Variants in RET observed in about 807,000 individuals in gnomAD.
RET encodes the protein ret proto-oncogene.
Under a neutral mutation model 118.3 loss-of-function variants are expected in RET, and 19 were observed. The observed-to-expected ratio is 0.16, with a 90% CI of 0.11 to 0.24. The LOEUF (loss-of-function observed/expected upper bound fraction) is 0.24. Ranked by LOEUF, RET falls within the 10% of genes least tolerant of loss-of-function variation. RET has a pLI of 1.00. For synonymous variants in RET, 597 were observed against 644.1 expected (o/e 0.93, Z 1.11); for missense variants, 1,219 against 1,502.1 (o/e 0.81, Z 3.12).
chr10:43,103,843 C>T (rs989188444), intron 3 of RET, among the ~76,000 whole-genome samples: 6 of 152,356 alleles, frequency 3.9e-5, no homozygotes, highest in Non-Finnish European at 8.8e-5. Context: ...GTAATTCATG[C>T]GCAAGGCATG....
chr10:43,114,065 C>T lies in RET; in HGVS notation c.1879+390C>T, dbSNP rs1021338343. ...TCTGCCTGAGCATAGGGACACGTTT[C>T]TGTCATTGAGTTTTCTGGTATTATA... is the stretch of plus-strand genomic sequence containing the variant. On this transcript the variant is annotated intron_variant, in intron 10 of 19. Coordinates refer to ENST00000355710, the MANE Select transcript of RET (RefSeq NM_020975.6). This position sits in a 1 kb window ranked among gnomAD's most constrained non-coding sequence, Gnocchi z 4.6. 7.9e-5 allele frequency among the ~76,000 whole-genome samples: 12 copies of T among 152,232 alleles called. No homozygotes were observed. Among genetic ancestry groups the T allele is most frequent in the Admixed American group, 2.0e-4 (3 of 15,292 alleles).
At chr10:43,099,513 A>AAAATAAAT (rs751291577) in intron 1 of RET, among the ~76,000 whole-genome samples, 3,495 of 146,314 alleles carry the variant, frequency 0.024, 50 homozygotes, top group Non-Finnish European at 0.025. Flanking sequence ...CTCCATCTCA[A>AAAATAAAT]AAATAAATAA....
chr10:43,081,011 T>G (rs3026728), intron 1 of RET, among the ~76,000 whole-genome samples: 36,365 of 152,138 alleles, frequency 0.24, 4,445 homozygotes, highest in Non-Finnish European at 0.27. Flanking sequence ...TGTTTCCTCA[T>G]GCAGGACAGG....
At position 43,119,517 on chromosome 10, in the gene RET, C is replaced by T. The variant is rs144269978; in HGVS notation, c.2393-14C>T. 42 of 1,585,968 alleles carry T rather than the reference C, an allele frequency of 2.6e-5. No individual in the cohort carries two copies. In the African/African-American group the frequency reaches 4.4e-4, roughly 17 times the overall value. On this transcript the variant is annotated splice_polypyrimidine_tract_variant and intron_variant, in intron 13 of 19. Transcript: ENST00000355710. ...CTGACCCGCACGCCCAGGGCCCCCTCTCTCCGCCCCCAGGCCCGCTCCTCC... is the reference window on the plus strand; with the variant it reads ...CTGACCCGCACGCCCAGGGCCCCCTTTCTCCGCCCCCAGGCCCGCTCCTCC...
chr10:43,124,212 A>G (rs1452911744), intron 17 of RET, among the ~76,000 whole-genome samples: 3 of 152,026 alleles, frequency 2.0e-5, no homozygotes, highest in South Asian at 2.1e-4. Flanking sequence ...AAACCTTTAC[A>G]CTCTCAGGGG....
At chr10:43,117,956 T>C (rs1838110913) in intron 12 of RET, among the ~76,000 whole-genome samples, 1 of 152,162 alleles carries the variant, frequency 6.6e-6, no homozygotes, top group Non-Finnish European at 1.5e-5. Flanking sequence ...GGTCGCGGTG[T>C]GTGGACCTCC....
chr10:43,094,634 A>G (rs1245933066), intron 1 of RET, among the ~76,000 whole-genome samples: 1 of 152,128 alleles, frequency 6.6e-6, no homozygotes, highest in Non-Finnish European at 1.5e-5. Flanking sequence ...GTGAGAGACC[A>G]AGGGCCACAG....
Position 43,126,562 on chromosome 10 carries a change from C to T in RET, c.3040-13C>T, listed in dbSNP as rs1838332583. ...CACATGGCTTGGAGTGACCGGCCAT[C>T]TCTGTCTTCCAGGACTACTTGGACC... On this transcript the variant is annotated splice_polypyrimidine_tract_variant and intron_variant, in intron 18 of 19. Transcript: ENST00000355710. 1 of 1,612,568 alleles carries T rather than the reference C, an allele frequency of 6.2e-7. No individual in the cohort carries two copies. Among genetic ancestry groups the T allele is most frequent in the Non-Finnish European group, 8.5e-7 (1 of 1,179,106 alleles).
chr10:43,114,405 C>CTGG lies in RET; in HGVS notation c.1880-75_1880-74insTGG. 1.3e-6 allele frequency: 2 copies of CTGG among 1,585,772 alleles called. No individual in the cohort carries two copies. The highest frequency in any genetic ancestry group is 2.2e-5 in the South Asian group (2 of 89,768). On this transcript the variant is annotated intron_variant, in intron 10 of 19. Transcript: ENST00000355710. The surrounding 1 kb of genome is among the most constrained non-coding windows in gnomAD (Gnocchi z 4.6). ...CACGGCAGGCTGGAGAGCCATGAGG[C>CTGG]AGAGCATACGCAGCCTGTACCCAGT...
intron 1 of RET, among the ~76,000 whole-genome samples, chr10:43,079,354 T>C (rs1440849653): frequency 6.6e-6 from 1 of 152,160 alleles, no homozygotes; most frequent in Admixed American, 6.5e-5. Context: ...CACGTGTGTA[T>C]ATAGGGACAC....
chr10:43,109,196 T>A lies in RET; in HGVS notation c.1229T>A (p.Leu410His). 6.2e-7 allele frequency: 1 copy of A among 1,613,660 alleles called. No homozygotes were observed. The highest frequency in any genetic ancestry group is 1.7e-5 in the Admixed American group (1 of 60,010). ...VSLHLPSTYS[L>H]SVSRRARRFA... ...CTGCACCTGCCCAGTACCTACTCCC[T>A]CTCCGTGAGCAGGAGGGCTCGCCGA... is the stretch of plus-strand genomic sequence containing the variant. The change falls in exon 6 of 20, where the codon CTC (leucine) becomes CAC (histidine). Residue 410 changes from leucine (L) to histidine (H), a missense_variant. Physicochemically the swap from Leu to His is moderately conservative, Grantham distance 99. This residue lies in a region of RET where 850 missense variants were observed against 969.6 expected (regional missense o/e 0.88). Transcript: ENST00000355710.
In RET at chr10:43,102,565, G is replaced by A. The variant is rs764162555; in HGVS notation, c.561G>A (p.Gln187=). The change falls in exon 3 of 20, where the codon CAG becomes CAA. Residue 187 remains glutamine, a synonymous_variant. Transcript: ENST00000355710. ...ACCGACCCCCAGGCACCTTCCACCA[G>A]TTCCGCCTGCTGCCTGTGCAGTTCT... The part of the protein sequence containing the change: ...RENRPPGTFH[Q]FRLLPVQFLC... 1 of 1,614,174 alleles carries A rather than the reference G, an allele frequency of 6.2e-7. No individual in the cohort carries two copies. Among genetic ancestry groups the A allele is most frequent in the African/African-American group, 1.3e-5 (1 of 75,046 alleles).
intron 12 of RET, among the ~76,000 whole-genome samples, chr10:43,117,936 T>G (rs1391924231): frequency 1.3e-5 from 2 of 152,126 alleles, no homozygotes; most frequent in African/African-American, 4.8e-5. Flanking sequence ...GAGCGGGAAA[T>G]GGGGAGCCTG....
chr10:43,081,578 G>C (rs2506015), intron 1 of RET, among the ~76,000 whole-genome samples: 57,398 of 152,102 alleles, frequency 0.38, 10,983 homozygotes, highest in Middle Eastern at 0.43. Flanking sequence ...CTGTCTCTCC[G>C]TGCCCGTCTG....
In RET at chr10:43,116,458, G is replaced by A. The variant is rs1838072046; in HGVS notation, c.2137-126G>A. The A allele has an allele frequency of 1.3e-5, 16 of 1,231,286 alleles. No individual in the cohort carries two copies. The South Asian group carries it at 2.0e-4, about 15-fold the overall frequency. 76.3% of individuals were successfully genotyped at this position (1,231,286 alleles called of 1,614,324 possible). A position where few individuals can be genotyped will look rare whatever the true frequency, so the allele number is the denominator to read the frequency against. On this transcript the variant is annotated intron_variant, in intron 11 of 19. Coordinates refer to ENST00000355710, the MANE Select transcript of RET (RefSeq NM_020975.6). Reference sequence around the variant, plus strand: ...AGGCAGCGTTGCCGCTGGCTCAGATGACAGCCGGTTCTCTGCACATTGGAA... The same window carrying A: ...AGGCAGCGTTGCCGCTGGCTCAGATAACAGCCGGTTCTCTGCACATTGGAA...
Position 43,095,243 on chromosome 10 carries a change from G to T in RET, c.74-5216G>T, listed in dbSNP as rs549403250. ...CTAGGCTCAGGTATGGGCTGCATCAGTGCCGAGGGATTGCATGCTTTGGGT... is the reference window on the plus strand; with the variant it reads ...CTAGGCTCAGGTATGGGCTGCATCATTGCCGAGGGATTGCATGCTTTGGGT... On this transcript the variant is annotated intron_variant, in intron 1 of 19. Transcript: ENST00000355710. 3.9e-5 allele frequency among the ~76,000 whole-genome samples: 6 copies of T among 152,306 alleles called. No homozygotes were observed. The East Asian group carries it at 1.2e-3, about 29-fold the overall frequency.
At chr10:43,087,282 C>T (rs1052125132) in intron 1 of RET, among the ~76,000 whole-genome samples, 14 of 152,200 alleles carry the variant, frequency 9.2e-5, no homozygotes, top group African/African-American at 3.1e-4. Flanking sequence ...GCTGGAGGTC[C>T]AAGAGGAGAG....
intron 1 of RET, among the ~76,000 whole-genome samples, chr10:43,079,710 C>A (rs1210425617): frequency 6.6e-6 from 1 of 152,152 alleles, no homozygotes; most frequent in Non-Finnish European, 1.5e-5. Flanking sequence ...CTTCTGTTCC[C>A]AGCATGGAAG....
intron 1 of RET, among the ~76,000 whole-genome samples, chr10:43,098,857 G>T: frequency 6.6e-6 from 1 of 152,188 alleles, no homozygotes; most frequent in East Asian, 1.9e-4. Flanking sequence ...GTGAACATGG[G>T]TGTGTAAATA....
Sources: gnomAD v4.1 joint callset for allele counts (sites outside exome capture counted in the v4.1 genomes callset) on GRCh38, gnomAD v4.1.1 for gene constraint, gnomAD v4.1.1 regional missense constraint, Gnocchi (gnomAD v3.1) non-coding constraint, MANE v1.5 for transcripts, NCBI Gene and HGNC (gene_info 2026-07-23, HGNC 2026-07-21) for gene names.